The following HECW1 variants were observed in gnomAD, a reference collection of about 807,000 sequenced individuals.
HECW1 encodes the protein E3 ubiquitin-protein ligase HECW1.
Under a neutral mutation model 182.3 loss-of-function variants are expected in HECW1, and 61 were observed. The ratio of observed to expected loss-of-function variants is 0.33; its 90% CI spans 0.27 to 0.41. The LOEUF (loss-of-function observed/expected upper bound fraction) is 0.41. Ranked by LOEUF, HECW1 falls within the 10% of genes least tolerant of loss-of-function variation. The probability of loss-of-function intolerance (pLI) is 1.00; values close to 1 mark genes in which losing one functional copy is unlikely to be tolerated. For missense variants in HECW1, 1,739 were observed against 2,108.9 expected (o/e 0.82, Z 3.44); for synonymous variants, 859 against 832.6 (o/e 1.03, Z -0.55).
chr7:43,308,324 ATATATT>A (rs1278549892), intron 3 of HECW1, among the ~76,000 whole-genome samples: 21 of 130,452 alleles, frequency 1.6e-4, no homozygotes, highest in Non-Finnish European at 9.4e-5. Context: ...ATATTATATG[ATATATT>A]TATATATATT....
intron 2 of HECW1, among the ~76,000 whole-genome samples, chr7:43,213,439 A>ATTTTTTTTTTTTTTTTTTTTTTTTTT (rs35199868): frequency 2.2e-5 from 2 of 92,484 alleles, no homozygotes; most frequent in Non-Finnish European, 4.3e-5. Flanking sequence ...GATCATAAGA[A>ATTTTTTTTTTTTTTTTTTTTTTTTTT]TTTTTTTTTT....
At chr7:43,491,818 C>T (rs1347381618) in intron 17 of HECW1, among the ~76,000 whole-genome samples, 2 of 152,150 alleles carry the variant, frequency 1.3e-5, no homozygotes, top group Non-Finnish European at 1.5e-5. Context: ...GTCTCAAACT[C>T]CTGACCTTGT....
chr7:43,522,034 A>G lies in HECW1; in HGVS notation c.4019+12913A>G, dbSNP rs574945782. 2.0e-5 allele frequency among the ~76,000 whole-genome samples: 3 copies of G among 152,340 alleles called. No individual in the cohort carries two copies. In the East Asian group the frequency reaches 5.8e-4, roughly 29 times the overall value. ...CATTCTGCCATTTGAGGATACCGCAAGGTGTCCATCTTAGAAGCAGAGAAC... is the reference window on the plus strand; with the variant it reads ...CATTCTGCCATTTGAGGATACCGCAGGGTGTCCATCTTAGAAGCAGAGAAC... On this transcript the variant is annotated intron_variant, in intron 24 of 29. Coordinates refer to ENST00000395891, the MANE Select transcript of HECW1 (RefSeq NM_015052.5).
intron 2 of HECW1, among the ~76,000 whole-genome samples, chr7:43,217,542 C>G (rs545186523): frequency 3.1e-4 from 47 of 152,370 alleles, no homozygotes; most frequent in African/African-American, 1.1e-3. Flanking sequence ...GAATGTCTCA[C>G]TCCCTCCAGA....
intron 24 of HECW1, among the ~76,000 whole-genome samples, chr7:43,529,941 TTTTTTA>T (rs1007161815): frequency 2.0e-5 from 3 of 150,410 alleles, no homozygotes; most frequent in Admixed American, 1.3e-4. Flanking sequence ...ACTTTTTACT[TTTTTTA>T]TTTTTATTTA....
At chr7:43,395,194 G>A (rs192885449) in intron 6 of HECW1, among the ~76,000 whole-genome samples, 140 of 152,276 alleles carry the variant, frequency 9.2e-4, no homozygotes, top group African/African-American at 3.2e-3. Flanking sequence ...TGCAGCTAAC[G>A]TTAGTCCTAC....
chr7:43,203,846 A>G lies in HECW1; in HGVS notation c.-31-40029A>G, dbSNP rs145740867. 1.2e-4 allele frequency among the ~76,000 whole-genome samples: 19 copies of G among 152,288 alleles called. No individual in the cohort carries two copies. In the East Asian group the frequency reaches 3.7e-3, roughly 29 times the overall value. ...TATTTTAATGTTACAATCCTTTTGC[A>G]GTTGTATACCCCACTTTCTTAAATT... On this transcript the variant is annotated intron_variant, in intron 2 of 29. Coordinates refer to ENST00000395891, the MANE Select transcript of HECW1 (RefSeq NM_015052.5).
intron 3 of HECW1, among the ~76,000 whole-genome samples, chr7:43,281,713 CTTTT>C (rs55860415): frequency 3.9e-5 from 3 of 77,344 alleles, no homozygotes; most frequent in South Asian, 5.4e-4. Flanking sequence ...TCTTTGCTTT[CTTTT>C]TTTTTTTTTT....
intron 8 of HECW1, among the ~76,000 whole-genome samples, chr7:43,418,734 T>C (rs369108690): frequency 2.6e-5 from 4 of 152,348 alleles, no homozygotes; most frequent in East Asian, 3.9e-4. Context: ...AATATTTTCC[T>C]TTACCACACT....
rs1187071842 is a variant in HECW1, at chr7:43,192,489, G to A, written c.-31-51386G>A. 2.0e-5 allele frequency among the ~76,000 whole-genome samples: 3 copies of A among 150,780 alleles called. No individual in the cohort carries two copies. In the South Asian group the frequency reaches 6.3e-4, roughly 31 times the overall value. On this transcript the variant is annotated intron_variant, in intron 2 of 29. Transcript: ENST00000395891. ...CATTGAGTATACATATATCTAATAT[G>A]TATCAATAAAAATGACTAAATACGT...
At chr7:43,119,850 A>G (rs1489727363) in intron 2 of HECW1, among the ~76,000 whole-genome samples, 2 of 151,890 alleles carry the variant, frequency 1.3e-5, no homozygotes, top group Admixed American at 6.6e-5. Flanking sequence ...CTCCCTCTCC[A>G]TCCAGCACAG....
intron 8 of HECW1, among the ~76,000 whole-genome samples, chr7:43,416,734 C>T (rs1274899163): frequency 1.4e-5 from 2 of 145,364 alleles, no homozygotes; most frequent in Admixed American, 6.8e-5. Flanking sequence ...TCTCGTGGTG[C>T]GCCGTTTTTT....
At chr7:43,198,725 A>C (rs959041882) in intron 2 of HECW1, among the ~76,000 whole-genome samples, 1 of 147,248 alleles carries the variant, frequency 6.8e-6, no homozygotes, top group Non-Finnish European at 1.5e-5. Flanking sequence ...AGATTTGCAC[A>C]CTCTCACACC....
intron 2 of HECW1, among the ~76,000 whole-genome samples, chr7:43,142,146 C>A (rs1339289238): frequency 6.6e-6 from 1 of 152,044 alleles, no homozygotes; most frequent in African/African-American, 2.4e-5. Context: ...TGTGGGATGC[C>A]TGTTTTTGTT....
intron 2 of HECW1, among the ~76,000 whole-genome samples, chr7:43,192,229 G>A (rs949342576): frequency 6.6e-6 from 1 of 152,158 alleles, no homozygotes; most frequent in South Asian, 2.1e-4. Flanking sequence ...AAAGTGCTGC[G>A]ATTACAGGCG....
intron 3 of HECW1, among the ~76,000 whole-genome samples, chr7:43,308,151 A>G (rs1807934344): frequency 9.5e-6 from 1 of 105,380 alleles, no homozygotes. Context: ...TATATTATAT[A>G]TTATATATTT....
At position 43,260,651 on chromosome 7, in the gene HECW1, G is replaced by A. The variant is rs373704802; in HGVS notation, c.27+16719G>A. Among the ~76,000 whole-genome samples, 19 of 152,280 alleles carry A rather than the reference G, an allele frequency of 1.2e-4. No homozygotes were observed. The South Asian group carries it at 3.5e-3, about 28-fold the overall frequency. On this transcript the variant is annotated intron_variant, in intron 3 of 29. Transcript: ENST00000395891. The stretch of plus-strand genomic sequence containing the variant: ...TCAGGTGAGAAATGATGGTGGCTTG[G>A]ACTAGTTGATGGTATCTGTGAAGAT...
At chr7:43,235,345 A>T (rs1015454414) in intron 2 of HECW1, among the ~76,000 whole-genome samples, 3 of 152,260 alleles carry the variant, frequency 2.0e-5, no homozygotes, top group African/African-American at 7.2e-5. Flanking sequence ...TCAGACCAGG[A>T]AAAGTGTTTA....
chr7:43,514,043 A>G (rs886573057), intron 24 of HECW1, among the ~76,000 whole-genome samples: 22 of 152,118 alleles, frequency 1.4e-4, no homozygotes, highest in African/African-American at 5.3e-4. Flanking sequence ...CCAACCATGA[A>G]CCAGAGGACA....
Sources: gnomAD v4.1 joint callset for allele counts (sites outside exome capture counted in the v4.1 genomes callset) on GRCh38, gnomAD v4.1.1 for gene constraint, MANE v1.5 for transcripts, NCBI Gene and HGNC (gene_info 2026-07-23, HGNC 2026-07-21) for gene names.